TPST1: variants seen among roughly 807,000 people sequenced by gnomAD.
TPST1 encodes protein-tyrosine sulfotransferase 1.
Under a neutral mutation model 34.8 loss-of-function variants are expected in TPST1, and 20 were observed. The observed-to-expected ratio is 0.57, with a 90% confidence interval of 0.40 to 0.84. The LOEUF is 0.84. Among genes scored for constraint, TPST1 ranks in the 40% least tolerant of loss-of-function variants. TPST1 has a pLI of 0.00. For synonymous variants in TPST1, 152 were observed against 159.4 expected (o/e 0.95, Z 0.35); for missense variants, 353 against 455.5 (o/e 0.78, Z 2.05).
At chr7:66,229,389 C>T (rs1789731117) in intron 1 of TPST1, among the ~76,000 whole-genome samples, 2 of 152,314 alleles carry the variant, frequency 1.3e-5, no homozygotes, top group African/African-American at 4.8e-5. Context: ...GGATTACAGG[C>T]ATGAGCCACC....
intron 5 of TPST1, among the ~76,000 whole-genome samples, chr7:66,359,693 C>T (rs1441760767): frequency 1.3e-5 from 2 of 152,190 alleles, no homozygotes; most frequent in Non-Finnish European, 2.9e-5. Context: ...TCTGAAAGCA[C>T]CAGAGTGAGG....
Position 66,335,705 on chromosome 7 carries a change from T to C in TPST1, c.1045-16800T>C, listed in dbSNP as rs554723856. On this transcript the variant is annotated intron_variant, in intron 3 of 5. Transcript: ENST00000304842. ...GTTTTGAATGGCAGGGCAAGTTAGT[T>C]TAGTTTTAGTGCAGTGTTTCAGTTC... Among the ~76,000 whole-genome samples the C allele has an allele frequency of 3.9e-5, 6 of 152,270 alleles. No individual in the cohort carries two copies. In the East Asian group the frequency reaches 1.2e-3, roughly 29 times the overall value.
At chr7:66,344,831 C>T (rs960240009) in intron 3 of TPST1, among the ~76,000 whole-genome samples, 1 of 150,324 alleles carries the variant, frequency 6.7e-6, no homozygotes, top group Non-Finnish European at 1.5e-5. Flanking sequence ...TCATGCCATT[C>T]TTCTGCCTCA....
intron 2 of TPST1, among the ~76,000 whole-genome samples, chr7:66,248,213 T>C (rs896104314): frequency 4.6e-5 from 7 of 152,142 alleles, no homozygotes; most frequent in South Asian, 4.1e-4. Context: ...GCTAAAGATA[T>C]TGAATTTTAA....
Position 66,240,836 on chromosome 7 carries a change from C to T in TPST1, c.411C>T (p.Ala137=), listed in dbSNP as rs148879626. Reference sequence around the variant, plus strand: ...TTACTGATGAAGTGCTGGATTCTGCCATGCAAGCCTTCTTACTAGAAATTA... The same window carrying T: ...TTACTGATGAAGTGCTGGATTCTGCTATGCAAGCCTTCTTACTAGAAATTA... ...AGVTDEVLDS[A]MQAFLLEIIV... The change falls in exon 2 of 6, where the codon GCC becomes GCT. Residue 137 remains alanine, a synonymous_variant. Coordinates refer to ENST00000304842, the MANE Select transcript of TPST1 (RefSeq NM_003596.4). The T allele has an allele frequency of 3.1e-6, 5 of 1,614,200 alleles. No homozygotes were observed. The highest frequency in any genetic ancestry group is 4.2e-6 in the Non-Finnish European group (5 of 1,180,042).
At chr7:66,239,867 TTTTTGTTTTG>T (rs565496187) in intron 1 of TPST1, among the ~76,000 whole-genome samples, 31 of 152,186 alleles carry the variant, frequency 2.0e-4, no homozygotes, top group East Asian at 1.2e-3. Flanking sequence ...TACTCATTTG[TTTTTGTTTTG>T]TTTTGTTTTG....
At chr7:66,257,812 C>T (rs114608434) in intron 2 of TPST1, among the ~76,000 whole-genome samples, 1,902 of 152,246 alleles carry the variant, frequency 0.012, 38 homozygotes, top group African/African-American at 0.043. Context: ...CTATTAGGCA[C>T]ACCCTTAATT....
intron 3 of TPST1, among the ~76,000 whole-genome samples, chr7:66,331,786 T>G (rs1791999758): frequency 6.6e-6 from 1 of 152,186 alleles, no homozygotes; most frequent in South Asian, 2.1e-4. Flanking sequence ...GCCCATTGCC[T>G]TCCTGTTTAC....
chr7:66,320,925 G>T lies in TPST1; in HGVS notation c.1045-31580G>T, dbSNP rs115047789. Among the ~76,000 whole-genome samples the T allele has an allele frequency of 4.3e-3, 659 of 152,190 alleles. 7 individuals carry two copies. The highest frequency in any genetic ancestry group is 0.014 in the African/African-American group (569 of 41,528). On this transcript the variant is annotated intron_variant, in intron 3 of 5. Transcript: ENST00000304842. ...GTTCATTTTTGTTATTTAATATTAT[G>T]CTATAATTACATAACTATTTGGAAC...
intron 2 of TPST1, among the ~76,000 whole-genome samples, chr7:66,265,216 C>T (rs143674654): frequency 2.0e-3 from 306 of 152,222 alleles, no homozygotes; most frequent in Middle Eastern, 0.014. Flanking sequence ...TGACAGGAAT[C>T]TCAGAAGGAG....
intron 2 of TPST1, among the ~76,000 whole-genome samples, chr7:66,285,777 GTCAAATATAGTGAGTATAA>G (rs1347534720): frequency 6.6e-6 from 1 of 152,140 alleles, no homozygotes; most frequent in African/African-American, 2.4e-5. Context: ...TAGTTATTTA[GTCAAATATAGTGAGTATAA>G]TCACTACAGG....
At chr7:66,269,924 A>AG (rs1790671508) in intron 2 of TPST1, among the ~76,000 whole-genome samples, 1 of 152,034 alleles carries the variant, frequency 6.6e-6, no homozygotes, top group East Asian at 1.9e-4. Flanking sequence ...ATGGTGGGGG[A>AG]GGGGGCAATA....
At chr7:66,219,021 C>A (rs1054618929) in intron 1 of TPST1, among the ~76,000 whole-genome samples, 2 of 150,110 alleles carry the variant, frequency 1.3e-5, no homozygotes, top group Non-Finnish European at 3.0e-5. Flanking sequence ...GCTGGGACTT[C>A]AGGCATGTAC....
intron 2 of TPST1, among the ~76,000 whole-genome samples, chr7:66,253,050 A>G (rs1028847227): frequency 4.6e-5 from 7 of 152,182 alleles, no homozygotes; most frequent in African/African-American, 1.7e-4. Flanking sequence ...GGGGGGAAAA[A>G]TTCCACAGAG....
At chr7:66,314,523 A>T (rs12668269) in intron 3 of TPST1, among the ~76,000 whole-genome samples, 36,501 of 151,998 alleles carry the variant, frequency 0.24, 4,580 homozygotes, top group Middle Eastern at 0.3. Flanking sequence ...AAAAATAAAT[A>T]AATTAATTAA....
intron 3 of TPST1, among the ~76,000 whole-genome samples, chr7:66,345,094 AAG>A (rs1212934217): frequency 6.6e-6 from 1 of 152,138 alleles, no homozygotes; most frequent in Non-Finnish European, 1.5e-5. Context: ...AACAGAGGAA[AAG>A]AGAGAAAGGA....
chr7:66,209,775 G>A (rs953335580), intron 1 of TPST1, among the ~76,000 whole-genome samples: 3 of 152,156 alleles, frequency 2.0e-5, no homozygotes, highest in African/African-American at 7.2e-5. Context: ...ATTCATGTCT[G>A]CATCCCCTAC....
At chr7:66,214,886 T>C (rs1257614393) in intron 1 of TPST1, among the ~76,000 whole-genome samples, 1 of 147,622 alleles carries the variant, frequency 6.8e-6, no homozygotes, top group African/African-American at 2.5e-5. Context: ...TATATATTTA[T>C]ATGTATATTT....
Position 66,205,484 on chromosome 7 carries a change from T to A in TPST1, c.-140T>A, listed in dbSNP as rs1321596428. The A allele has an allele frequency of 6.6e-6, 1 of 152,462 alleles. No homozygotes were observed. Among genetic ancestry groups the A allele is most frequent in the East Asian group, 1.9e-4 (1 of 5,178 alleles). The allele number at this position is 152,462 out of a possible 1,614,324, so 9.4% of individuals were successfully genotyped here. A position where few individuals can be genotyped will look rare whatever the true frequency, so the allele number is the denominator to read the frequency against. Reference sequence around the variant, plus strand: ...GTGGGACCAGCGGCTGAGGCCAGGATGCCGTCCAGGCGGCGCGGCGGCTCC... The same window carrying A: ...GTGGGACCAGCGGCTGAGGCCAGGAAGCCGTCCAGGCGGCGCGGCGGCTCC... On this transcript the variant is annotated 5_prime_UTR_variant, in exon 1 of 6. It removes an upstream start codon present in the reference 5' UTR. Transcript: ENST00000304842. This position sits in a 1 kb window ranked among gnomAD's most constrained non-coding sequence, Gnocchi z 5.0.
Sources: gnomAD v4.1 joint callset for allele counts (sites outside exome capture counted in the v4.1 genomes callset) on GRCh38, gnomAD v4.1.1 for gene constraint, Gnocchi (gnomAD v3.1) non-coding constraint, MANE v1.5 for transcripts, NCBI Gene and HGNC (gene_info 2026-07-23, HGNC 2026-07-21) for gene names.